The following MAP3K3 variants were observed in gnomAD, a reference collection of about 807,000 sequenced individuals.
MAP3K3 encodes the protein mitogen-activated protein kinase kinase kinase 3.
A neutral mutation model predicts 80.9 loss-of-function variants in MAP3K3; 12 were observed. The ratio of observed to expected loss-of-function variants is 0.15; its 90% CI spans 0.10 to 0.24. The LOEUF (loss-of-function observed/expected upper bound fraction) is 0.24, where lower values mean the gene tolerates loss of function less well. Ranked by LOEUF, MAP3K3 falls within the 10% of genes least tolerant of loss-of-function variation. The pLI, the probability that MAP3K3 is intolerant of heterozygous loss-of-function variation, is 1.00. For synonymous variants in MAP3K3, 272 were observed against 307.1 expected, an observed-to-expected ratio of 0.89 and a Z score of 1.19; for missense variants, 596 against 834.7, an observed-to-expected ratio of 0.71 and a Z score of 3.52.
At chr17:63,630,303 G>A (rs2034189317) in intron 1 of MAP3K3, among the ~76,000 whole-genome samples, 4 of 152,084 alleles carry the variant, frequency 2.6e-5, no homozygotes, top group Admixed American at 2.0e-4. Flanking sequence ...GTTTGGTTGT[G>A]AGGATAAAAA....
intron 2 of MAP3K3, among the ~76,000 whole-genome samples, chr17:63,636,351 C>T (rs2034322970): frequency 6.6e-6 from 1 of 152,102 alleles, no homozygotes; most frequent in Non-Finnish European, 1.5e-5. Context: ...GAATACTGTA[C>T]ACTAGGAGCA....
At chr17:63,656,575 A>G (rs1010636058) in intron 4 of MAP3K3, among the ~76,000 whole-genome samples, 2 of 152,214 alleles carry the variant, frequency 1.3e-5, no homozygotes, top group African/African-American at 4.8e-5. Flanking sequence ...ACTGCACTCC[A>G]GCCTGGGCGA....
intron 1 of MAP3K3, among the ~76,000 whole-genome samples, chr17:63,628,157 C>T (rs1269572510): frequency 2.0e-5 from 3 of 151,608 alleles, no homozygotes; most frequent in Non-Finnish European, 1.5e-5. Flanking sequence ...CTGCCTGCCT[C>T]GGCCTCCCAA....
intron 7 of MAP3K3, among the ~76,000 whole-genome samples, chr17:63,685,273 T>G (rs2035424157): frequency 6.6e-6 from 1 of 152,216 alleles, no homozygotes; most frequent in African/African-American, 2.4e-5. Flanking sequence ...GAGCCTCTGC[T>G]TTGCTCTCCT....
Position 63,622,730 on chromosome 17 carries a change from A to T in MAP3K3, c.-30A>T. On this transcript the variant is annotated 5_prime_UTR_variant, in exon 1 of 16. Coordinates refer to ENST00000361733, the MANE Select transcript of MAP3K3 (RefSeq NM_002401.5). ...CCGGCTGCGGAGGTGACACTCACGGACCTTAGCCACCGCCGCCGCCATCGC... is the reference window on the plus strand; with the variant it reads ...CCGGCTGCGGAGGTGACACTCACGGTCCTTAGCCACCGCCGCCGCCATCGC... 2.0e-6 allele frequency: 1 copy of T among 509,150 alleles called. No homozygotes were observed. The highest frequency in any genetic ancestry group is 3.8e-6 in the Non-Finnish European group (1 of 264,382). 31.5% of individuals were successfully genotyped at this position (509,150 alleles called of 1,614,324 possible).
intron 2 of MAP3K3, among the ~76,000 whole-genome samples, chr17:63,637,281 CT>C (rs1170207602): frequency 1.3e-5 from 2 of 151,348 alleles, no homozygotes; most frequent in Non-Finnish European, 2.9e-5. Flanking sequence ...TTATAGAGTG[CT>C]TTCAACAACA....
At chr17:63,669,492 A>T (rs2143477544) in intron 6 of MAP3K3, among the ~76,000 whole-genome samples, 1 of 150,604 alleles carries the variant, frequency 6.6e-6, no homozygotes, top group Non-Finnish European at 1.5e-5. Context: ...TTTTCTCGAG[A>T]CAGAGTCTCA....
chr17:63,643,350 C>A (rs1024989211), intron 2 of MAP3K3, among the ~76,000 whole-genome samples: 3 of 151,748 alleles, frequency 2.0e-5, no homozygotes, highest in Non-Finnish European at 4.4e-5. Flanking sequence ...CAAAAAGTTA[C>A]AAATTAGCCC....
In MAP3K3 at chr17:63,691,368, A is replaced by G. The variant is rs2035587372; in HGVS notation, c.1344+135A>G. 7.9e-7 allele frequency: 1 copy of G among 1,270,498 alleles called. No homozygotes were observed. Among genetic ancestry groups the G allele is most frequent in the East Asian group, 2.4e-5 (1 of 42,288 alleles). 78.7% of individuals were successfully genotyped at this position (1,270,498 alleles called of 1,614,324 possible). A position where few individuals can be genotyped will look rare whatever the true frequency, so the allele number is the denominator to read the frequency against. The stretch of plus-strand genomic sequence containing the variant: ...TCCAGAGGCCCAGAGGAGCAAAGTG[A>G]GGTGATGGTGGGACTTGGAGTCAGG... On this transcript the variant is annotated intron_variant, in intron 13 of 15. Transcript: ENST00000361733. This position sits in a 1 kb window ranked among gnomAD's most constrained non-coding sequence, Gnocchi z 4.8.
chr17:63,647,833 T>A (rs1394231270), intron 3 of MAP3K3, among the ~76,000 whole-genome samples: 1 of 152,236 alleles, frequency 6.6e-6, no homozygotes, highest in African/African-American at 2.4e-5. Context: ...TTAAACTTTT[T>A]ACCTGGAATA....
chr17:63,693,766 C>T lies in MAP3K3; in HGVS notation c.1870C>T (p.Leu624Phe). 1 of 1,599,348 alleles carries T rather than the reference C, an allele frequency of 6.3e-7. No homozygotes were observed. The highest frequency in any genetic ancestry group is 8.5e-7 in the Non-Finnish European group (1 of 1,173,178). ...EELLTHHFAQ[L>F]MY ...GCTGCTCACACACCACTTTGCACAG[C>T]TCATGTACTGAGCTCTCACGGCCAC... The change falls in exon 16 of 16, where the codon CTC becomes TTC. Residue 624 changes from leucine (L) to phenylalanine (F), a missense_variant. Transcript: ENST00000361733. This position sits in a 1 kb window ranked among gnomAD's most constrained non-coding sequence, Gnocchi z 4.2.
rs535677363 is a variant in MAP3K3, at chr17:63,647,083, C to T, written c.167+1009C>T. ...TCTGGTAGTTCTCTACAGTTGGTAC[C>T]TTTCAGCCTACTTTGCAGCTGGCTC... is the stretch of plus-strand genomic sequence containing the variant. On this transcript the variant is annotated intron_variant, in intron 3 of 15. Coordinates refer to ENST00000361733, the MANE Select transcript of MAP3K3 (RefSeq NM_002401.5). Among the ~76,000 whole-genome samples, 10 of 152,302 alleles carry T rather than the reference C, an allele frequency of 6.6e-5. No individual in the cohort carries two copies. In the East Asian group the frequency reaches 1.9e-3, roughly 29 times the overall value.
intron 4 of MAP3K3, 45 bp downstream of exon 4, chr17:63,652,701 C>T (rs1568132958): frequency 1.6e-6 from 2 of 1,278,032 alleles, no homozygotes; most frequent in East Asian, 2.4e-5. Context: ...GGGCAGATGC[C>T]TACCTTTTTT....
At position 63,690,595 on chromosome 17, in the gene MAP3K3, C is replaced by T; in HGVS notation, c.1212+183C>T. On this transcript the variant is annotated intron_variant, in intron 12 of 15. Coordinates refer to ENST00000361733, the MANE Select transcript of MAP3K3 (RefSeq NM_002401.5). ...GGACTGTGGTCTGAAGAGCACCAAG[C>T]ACCTGGAGGGGAGGGATTGGGTGTA... 7.8e-6 allele frequency: 5 copies of T among 639,536 alleles called. No homozygotes were observed. In the South Asian group the frequency reaches 9.9e-5, roughly 13 times the overall value. The allele number at this position is 639,536 out of a possible 1,614,324, so 39.6% of individuals were successfully genotyped here. A position where few individuals can be genotyped will look rare whatever the true frequency, so the allele number is the denominator to read the frequency against.
At chr17:63,688,913 T>G in intron 10 of MAP3K3, 32 bp downstream of exon 10, 1 of 1,554,974 alleles carries the variant, frequency 6.4e-7, no homozygotes, top group Non-Finnish European at 8.9e-7. Context: ...CCCTGCTGGC[T>G]GCCTCAAGAA....
Position 63,693,943 on chromosome 17 carries a change from G to T in MAP3K3, c.*166G>T. 1.7e-6 allele frequency: 1 copy of T among 584,856 alleles called. No homozygotes were observed. Among genetic ancestry groups the T allele is most frequent in the Non-Finnish European group, 2.9e-6 (1 of 344,806 alleles). The allele number at this position is 584,856 out of a possible 1,614,324, so 36.2% of individuals were successfully genotyped here. A position where few individuals can be genotyped will look rare whatever the true frequency, so the allele number is the denominator to read the frequency against. On this transcript the variant is annotated 3_prime_UTR_variant, in exon 16 of 16. Transcript: ENST00000361733. This position sits in a 1 kb window ranked among gnomAD's most constrained non-coding sequence, Gnocchi z 4.2. ...TCCGCCACTGGGGCTCAGAGCCGGG[G>T]TGGGGTGGCTGCAGCCTCAGGACTG...
intron 6 of MAP3K3, among the ~76,000 whole-genome samples, chr17:63,669,123 C>T (rs912217670): frequency 1.3e-5 from 2 of 152,230 alleles, no homozygotes; most frequent in South Asian, 2.1e-4. Context: ...AGCCTGTGAG[C>T]GTTTCCATAG....
At chr17:63,666,839 G>A in intron 5 of MAP3K3, 101 bp from the exon 6 acceptor site, 1 of 1,327,480 alleles carries the variant, frequency 7.5e-7, no homozygotes, top group Non-Finnish European at 1.1e-6. Flanking sequence ...AAGCATGAAG[G>A]TGGCTGAGCC....
At chr17:63,644,687 T>C (rs2034507415) in intron 2 of MAP3K3, among the ~76,000 whole-genome samples, 1 of 152,234 alleles carries the variant, frequency 6.6e-6, no homozygotes, top group South Asian at 2.1e-4. Context: ...AAGAGAAGTC[T>C]AGTCCCTTAA....
Sources: allele counts gnomAD v4.1 joint callset (sites outside exome capture counted in the v4.1 genomes callset), GRCh38; gene constraint gnomAD v4.1.1; non-coding constraint Gnocchi (gnomAD v3.1); transcripts MANE v1.5; gene names NCBI Gene and HGNC (gene_info 2026-07-23, HGNC 2026-07-21).